Variants in FBXO31 observed in about 807,000 individuals in gnomAD.
FBXO31 encodes the protein F-box protein 31.
FBXO31 carries 24 observed loss-of-function variants against 54.4 expected under a neutral mutation model. The ratio of observed to expected loss-of-function variants is 0.44; its 90% CI spans 0.32 to 0.62. The LOEUF (loss-of-function observed/expected upper bound fraction) is 0.62. Among genes scored for constraint, FBXO31 ranks in the 20% least tolerant of loss-of-function variants. The pLI, the probability that FBXO31 is intolerant of heterozygous loss-of-function variation, is 0.05. For missense variants in FBXO31, 665 were observed against 787.1 expected (o/e 0.84, Z 1.86); for synonymous variants, 388 against 335.6 (o/e 1.16, Z -1.71).
chr16:87,360,810 A>C (rs956974335), intron 1 of FBXO31, among the ~76,000 whole-genome samples: 1 of 152,118 alleles, frequency 6.6e-6, no homozygotes, highest in African/African-American at 2.4e-5. Flanking sequence ...TGTGTGTTCA[A>C]CTCAGCCCAA....
upstream of FBXO31, chr16:87,386,188 G>C (rs1907322854): frequency 6.6e-6 from 1 of 152,168 alleles, no homozygotes; most frequent in African/African-American, 2.4e-5. Context: ...TTCAGTCCAG[G>C]GTGTGGTCTG....
At chr16:87,375,224 G>A (rs551161423) in intron 1 of FBXO31, among the ~76,000 whole-genome samples, 1 of 152,190 alleles carries the variant, frequency 6.6e-6, no homozygotes, top group South Asian at 2.1e-4. Flanking sequence ...GGAGAATGGC[G>A]TGAACCCGGG....
intron 1 of FBXO31, chr16:87,389,463 G>A (rs1236179636): frequency 6.6e-6 from 1 of 152,170 alleles, no homozygotes; most frequent in African/African-American, 2.4e-5. Context: ...GGATGCCCAA[G>A]GGTGGGAAAA....
At position 87,345,430 on chromosome 16, in the gene FBXO31, GCAC is replaced by G; in HGVS notation, c.490-1668_490-1666del. Among the ~76,000 whole-genome samples, 1 of 152,284 alleles carries G rather than the reference GCAC, an allele frequency of 6.6e-6. No individual in the cohort carries two copies. The highest frequency in any genetic ancestry group is 2.1e-4 in the South Asian group (1 of 4,820). On this transcript the variant is annotated intron_variant, in intron 3 of 8. Coordinates refer to ENST00000311635, the MANE Select transcript of FBXO31 (RefSeq NM_024735.5). This position sits in a 1 kb window ranked among gnomAD's most constrained non-coding sequence, Gnocchi z 4.9. ...ACTGGCACCACGCAGAGCCCGCAGA[GCAC>G]CACCTCCTCACCCCACAGGGACACC...
In FBXO31 at chr16:87,334,032, A is replaced by G; in HGVS notation, c.1251T>C (p.Asp417=). The G allele has an allele frequency of 6.2e-7, 1 of 1,612,638 alleles. No homozygotes were observed. The change falls in exon 8 of 9, where the codon GAT becomes GAC. Residue 417 remains aspartate (D), a synonymous_variant. Coordinates refer to ENST00000311635, the MANE Select transcript of FBXO31 (RefSeq NM_024735.5). ...PRAEAPSKGP[D]GTPGEDGGEP... The stretch of plus-strand genomic sequence containing the variant: ...CGCCACCATCCTCACCAGGTGTCCC[A>G]TCTGGGCCCTTGCTGGGCGCCTCTG...
At position 87,361,604 on chromosome 16, in the gene FBXO31, G is replaced by A. The variant is rs144774307; in HGVS notation, c.341-1238C>T. On this transcript the variant is annotated intron_variant, in intron 1 of 8. Transcript: ENST00000311635. The stretch of plus-strand genomic sequence containing the variant: ...AATACAGGAACGTCGATACGATGCG[G>A]TCAGGCTAGCCAGGTAGCTCCAAAG... 3.8e-3 allele frequency among the ~76,000 whole-genome samples: 576 copies of A among 152,348 alleles called. 3 individuals carry two copies. The highest frequency in any genetic ancestry group is 0.013 in the African/African-American group (533 of 41,570).
At chr16:87,350,968 C>A (rs1348647155) in intron 2 of FBXO31, among the ~76,000 whole-genome samples, 1 of 152,240 alleles carries the variant, frequency 6.6e-6, no homozygotes, top group African/African-American at 2.4e-5. Flanking sequence ...AAAGCGACAA[C>A]ACCTTCGCTG....
rs1188029139 is a variant in FBXO31 at position 87,327,263 on chromosome 16, G to A, written c.*4025C>T. On this transcript the variant is annotated 3_prime_UTR_variant, in exon 9 of 9. Transcript: ENST00000311635. The stretch of plus-strand genomic sequence containing the variant: ...GCCCTGACCCCCTCGTGCTCTGGCT[G>A]GTCTCCCGGTCAGCAGCCCCTGAGG... The A allele has an allele frequency of 6.6e-6, 1 of 152,650 alleles. No individual in the cohort carries two copies. The highest frequency in any genetic ancestry group is 6.5e-5 in the Admixed American group (1 of 15,286). 9.5% of individuals were successfully genotyped at this position (152,650 alleles called of 1,614,324 possible).
rs1435332808 is a variant in FBXO31, at chr16:87,383,671, G to A, written c.74C>T (p.Pro25Leu). 17 of 1,300,678 alleles carry A rather than the reference G, an allele frequency of 1.3e-5. No homozygotes were observed. The highest frequency in any genetic ancestry group is 1.2e-4 in the Admixed American group (3 of 24,986). The allele number at this position is 1,300,678 out of a possible 1,614,324, so 80.6% of individuals were successfully genotyped here. A position where few individuals can be genotyped will look rare whatever the true frequency, so the allele number is the denominator to read the frequency against. ...GCRRRQQRRG[P>L]AETAAADSEP... ...GCTGTCGGCCGCCGCCGTCTCGGCC[G>A]GGCCCCGGCGCTGCTGGCGGCGCCG... The change falls in exon 1 of 9, where the codon CCG becomes CTG. Residue 25 changes from proline to leucine, a missense_variant. Physicochemically the swap from Pro to Leu is moderately conservative, Grantham distance 98. Transcript: ENST00000311635. This position sits in a 1 kb window ranked among gnomAD's most constrained non-coding sequence, Gnocchi z 4.9.
At chr16:87,371,605 A>G (rs1215938749) in intron 1 of FBXO31, among the ~76,000 whole-genome samples, 4 of 152,268 alleles carry the variant, frequency 2.6e-5, no homozygotes, top group African/African-American at 9.6e-5. Context: ...CTGACCCAGA[A>G]AGGGGAGAGA....
intron 1 of FBXO31, among the ~76,000 whole-genome samples, chr16:87,368,852 T>C (rs2150691298): frequency 6.6e-6 from 1 of 152,284 alleles, no homozygotes; most frequent in African/African-American, 2.4e-5. Flanking sequence ...CAGGCCGGAG[T>C]GCAGTGGCAC....
intron 2 of FBXO31, among the ~76,000 whole-genome samples, chr16:87,353,865 G>A (rs1905776523): frequency 6.6e-6 from 1 of 152,248 alleles, no homozygotes; most frequent in South Asian, 2.1e-4. Flanking sequence ...GTGGGTTTCT[G>A]TTATTTTAGA....
upstream of FBXO31, among the ~76,000 whole-genome samples, chr16:87,390,522 C>T (rs547143239): frequency 7.9e-5 from 12 of 151,696 alleles, no homozygotes; most frequent in South Asian, 2.5e-3. Flanking sequence ...CTCGCTGCAA[C>T]CTCTGCCTTC....
At chr16:87,378,879 G>A (rs886396240) in intron 1 of FBXO31, among the ~76,000 whole-genome samples, 13 of 151,054 alleles carry the variant, frequency 8.6e-5, no homozygotes, top group Non-Finnish European at 1.5e-4. Context: ...GGAGAATGGC[G>A]TGAACCCAGG....
intron 1 of FBXO31, among the ~76,000 whole-genome samples, chr16:87,375,814 A>C (rs1206373138): frequency 6.6e-6 from 1 of 152,082 alleles, no homozygotes; most frequent in Non-Finnish European, 1.5e-5. Flanking sequence ...CCAACATCAG[A>C]AGTACAGACA....
Position 87,346,607 on chromosome 16 carries a change from C to T in FBXO31, c.489+567G>A, listed in dbSNP as rs1026123873. 6.6e-6 allele frequency among the ~76,000 whole-genome samples: 1 copy of T among 152,190 alleles called. No individual in the cohort carries two copies. Among genetic ancestry groups the T allele is most frequent in the Non-Finnish European group, 1.5e-5 (1 of 68,034 alleles). The stretch of plus-strand genomic sequence containing the variant: ...GCTGCCGGGAGAAGGGAAACGGAGA[C>T]GACTCTGCCACCAGCCTGGACTTCC... On this transcript the variant is annotated intron_variant, in intron 3 of 8. Transcript: ENST00000311635. This position sits in a 1 kb window ranked among gnomAD's most constrained non-coding sequence, Gnocchi z 4.2.
At chr16:87,361,765 G>A (rs567154502) in intron 1 of FBXO31, among the ~76,000 whole-genome samples, 43 of 152,322 alleles carry the variant, frequency 2.8e-4, no homozygotes, top group African/African-American at 7.2e-4. Flanking sequence ...AGTAAAGCTC[G>A]AGAAGCAGAC....
At position 87,333,549 on chromosome 16, in the gene FBXO31, T is replaced by C. The variant is rs79710572; in HGVS notation, c.1397+337A>G. Among the ~76,000 whole-genome samples the C allele has an allele frequency of 3.6e-3, 542 of 152,352 alleles. 1 individual carries two copies. The highest frequency in any genetic ancestry group is 4.5e-3 in the Non-Finnish European group (303 of 68,032). On this transcript the variant is annotated intron_variant, in intron 8 of 8. Coordinates refer to ENST00000311635, the MANE Select transcript of FBXO31 (RefSeq NM_024735.5). ...ACAGTTTACATGATATTTCACTTGA[T>C]TGACTGCAAACAAGTAGCTTTAGAA...
upstream of FBXO31, among the ~76,000 whole-genome samples, chr16:87,390,107 C>T (rs981298253): frequency 3.0e-4 from 46 of 152,126 alleles, no homozygotes; most frequent in Admixed American, 2.6e-3. Context: ...ATGGTGACAC[C>T]CTCTCTCTAC....
Sources: gnomAD v4.1 joint callset for allele counts (sites outside exome capture counted in the v4.1 genomes callset) on GRCh38, gnomAD v4.1.1 for gene constraint, Gnocchi (gnomAD v3.1) non-coding constraint, MANE v1.5 for transcripts, NCBI Gene and HGNC (gene_info 2026-07-23, HGNC 2026-07-21) for gene names.